The following SFXN4 variants were observed in gnomAD, a reference collection of about 807,000 sequenced individuals.
The protein encoded by SFXN4 is sideroflexin-4.
SFXN4 carries 48 observed loss-of-function variants against 54.6 expected under a neutral mutation model. The observed-to-expected ratio is 0.88, with a 90% confidence interval of 0.70 to 1.12. The LOEUF (loss-of-function observed/expected upper bound fraction) is 1.12, where lower values mean the gene tolerates loss of function less well. SFXN4 is among the 50% of genes most tolerant of loss of function. SFXN4 has a pLI of 0.00. For missense variants in SFXN4, 383 were observed against 409.2 expected (o/e 0.94, Z 0.55); for synonymous variants, 130 against 145.5 (o/e 0.89, Z 0.77).
chr10:119,165,445 G>A (rs1225616826), intron 1 of SFXN4, 92 bp downstream of exon 1: 4 of 1,375,732 alleles, frequency 2.9e-6, no homozygotes, highest in East Asian at 6.2e-5. Flanking sequence ...GGGCGCCCAC[G>A]TGGCCTGGCC....
At chr10:119,146,441 G>GTC in intron 12 of SFXN4, 88 bp from the exon 13 acceptor site, 1 of 569,806 alleles carries the variant, frequency 1.8e-6, no homozygotes, top group South Asian at 2.2e-5. Context: ...GTGTGTGTGT[G>GTC]TGTGTGTGTG....
intron 13 of SFXN4, among the ~76,000 whole-genome samples, chr10:119,144,995 T>A (rs1441653001): frequency 6.6e-6 from 1 of 152,176 alleles, no homozygotes; most frequent in Non-Finnish European, 1.5e-5. Flanking sequence ...TTAAAAGATT[T>A]CTTTTTATGC....
At chr10:119,154,924 A>C in intron 11 of SFXN4, 138 bp downstream of exon 11, 1 of 623,890 alleles carries the variant, frequency 1.6e-6, no homozygotes, top group African/African-American at 1.8e-5. Flanking sequence ...CAAAATGAGA[A>C]ATTTCTCTCT....
At position 119,145,668 on chromosome 10, in the gene SFXN4, A is replaced by G. The variant is rs79066583; in HGVS notation, c.936+568T>C. ...TAGGAATACAGTATACAACACATATAAAATATAAAATATGTGTTACTTGAC... is the reference window on the plus strand; with the variant it reads ...TAGGAATACAGTATACAACACATATGAAATATAAAATATGTGTTACTTGAC... On this transcript the variant is annotated intron_variant, in intron 13 of 13. Transcript: ENST00000355697. Among the ~76,000 whole-genome samples, 480 of 152,228 alleles carry G rather than the reference A, an allele frequency of 3.2e-3. 2 individuals carry two copies. Among genetic ancestry groups the G allele is most frequent in the Non-Finnish European group, 5.0e-3 (339 of 68,016 alleles).
intron 10 of SFXN4, among the ~76,000 whole-genome samples, chr10:119,155,853 A>G (rs1459614210): frequency 6.6e-6 from 1 of 151,998 alleles, no homozygotes; most frequent in Non-Finnish European, 1.5e-5. Context: ...CAGTCTGCCA[A>G]CTCTTCAAAC....
At chr10:119,159,808 G>A (rs368273136) in intron 5 of SFXN4, 55 bp from the exon 6 acceptor site, 2 of 1,590,546 alleles carry the variant, frequency 1.3e-6, no homozygotes, top group Non-Finnish European at 1.7e-6. Flanking sequence ...CAGGCAGAGG[G>A]GGCCAGAAGG....
chr10:119,151,687 G>T (rs7081689), intron 11 of SFXN4, among the ~76,000 whole-genome samples: 46,734 of 150,832 alleles, frequency 0.31, 7,805 homozygotes, highest in South Asian at 0.41. Flanking sequence ...GGCTAATTTT[G>T]GTATTTTTAG....
In SFXN4 at chr10:119,155,145, G is replaced by A. The variant is rs756173225; in HGVS notation, c.649C>T (p.Arg217Ter). ...ATCCCCTTAATGGATTCAAGACTTCGGGACATGTAGACATTCATTCCACTG... is the reference window on the plus strand; with the variant it reads ...ATCCCCTTAATGGATTCAAGACTTCAGGACATGTAGACATTCATTCCACTG... ...QASGMNVYMSRSLESIKGIAV... is the reference protein window; with the variant it reads ...QASGMNVYMS The change falls in exon 11 of 14, where the codon CGA becomes TGA. Residue 217 changes from arginine to a stop codon, truncating the protein, a stop_gained. Transcript: ENST00000355697. LOFTEE classifies it high-confidence loss of function. 2.2e-5 allele frequency: 36 copies of A among 1,613,908 alleles called. No individual in the cohort carries two copies. The highest frequency in any genetic ancestry group is 1.3e-4 in the South Asian group (12 of 91,084).
chr10:119,155,511 A>G (rs1847245762), intron 10 of SFXN4, among the ~76,000 whole-genome samples: 1 of 151,712 alleles, frequency 6.6e-6, no homozygotes, highest in Non-Finnish European at 1.5e-5. Context: ...TTTTTTTTTC[A>G]GACAGAGTTT....
chr10:119,158,077 G>A lies in SFXN4; in HGVS notation c.361-15C>T, dbSNP rs1227342023. ...GACAAAAATACCTTTTAAGAAGACA[G>A]TGGAACAGAGTTACAAGTGTTGCTG... On this transcript the variant is annotated splice_polypyrimidine_tract_variant and intron_variant, in intron 6 of 13. Coordinates refer to ENST00000355697, the MANE Select transcript of SFXN4 (RefSeq NM_213649.2). 3 of 1,612,160 alleles carry A rather than the reference G, an allele frequency of 1.9e-6. No individual in the cohort carries two copies. The highest frequency in any genetic ancestry group is 2.5e-6 in the Non-Finnish European group (3 of 1,178,254).
intron 2 of SFXN4, among the ~76,000 whole-genome samples, chr10:119,162,817 A>T (rs1432674597): frequency 6.6e-6 from 1 of 152,072 alleles, no homozygotes; most frequent in African/African-American, 2.4e-5. Context: ...TTTTTAAGAG[A>T]CAGGGTCTCA....
rs141886415 is a variant in SFXN4, at chr10:119,141,240, G to A, written c.*2C>T. 390 of 1,608,172 alleles carry A rather than the reference G, an allele frequency of 2.4e-4. 1 individual carries two copies. The highest frequency in any genetic ancestry group is 9.1e-4 in the East Asian group (41 of 44,836). On this transcript the variant is annotated 3_prime_UTR_variant, in exon 14 of 14. Coordinates refer to ENST00000355697, the MANE Select transcript of SFXN4 (RefSeq NM_213649.2). ...CCACATAAATTCACCTAAAACTCACGCCTACACCCCTCTGTGATAAAAGAT... is the reference window on the plus strand; with the variant it reads ...CCACATAAATTCACCTAAAACTCACACCTACACCCCTCTGTGATAAAAGAT...
chr10:119,165,256 G>C, intron 1 of SFXN4: 1 of 1,160,908 alleles, frequency 8.6e-7, no homozygotes, highest in Non-Finnish European at 1.1e-6. Flanking sequence ...AGCTCAGGCA[G>C]TAGGGAGCAG....
intron 6 of SFXN4, 80 bp downstream of exon 6, chr10:119,159,648 G>A (rs1313161214): frequency 3.4e-6 from 5 of 1,449,428 alleles, no homozygotes; most frequent in Non-Finnish European, 4.9e-6. Flanking sequence ...CGGAGCTGGA[G>A]GGACACAGCT....
At chr10:119,155,262 CT>C in intron 10 of SFXN4, 85 bp from the exon 11 acceptor site, 2 of 909,694 alleles carry the variant, frequency 2.2e-6, no homozygotes, top group Non-Finnish European at 3.6e-6. Flanking sequence ...TGTCTGCCCC[CT>C]GCAAGCCTCT....
chr10:119,141,463 T>A, intron 13 of SFXN4, 144 bp from the exon 14 acceptor site: 1 of 174,236 alleles, frequency 5.7e-6, no homozygotes, highest in Non-Finnish European at 1.0e-5. Flanking sequence ...AAATGTAACC[T>A]ATTTTTTTTT....
chr10:119,161,427 CA>C (rs1254206919), intron 3 of SFXN4, among the ~76,000 whole-genome samples: 230 of 116,588 alleles, frequency 2.0e-3, no homozygotes, highest in Middle Eastern at 4.4e-3. Context: ...ACAACAACAA[CA>C]AAAAAAAACA....
At chr10:119,158,949 C>T (rs1847395614) in intron 6 of SFXN4, among the ~76,000 whole-genome samples, 1 of 152,178 alleles carries the variant, frequency 6.6e-6, no homozygotes, top group South Asian at 2.1e-4. Context: ...TGCCACTGCA[C>T]TCCAGCCTGG....
chr10:119,163,559 A>T (rs1352619563), intron 2 of SFXN4, among the ~76,000 whole-genome samples: 1 of 151,612 alleles, frequency 6.6e-6, no homozygotes, highest in South Asian at 2.1e-4. Flanking sequence ...CTGCCACCAC[A>T]CCCAGCTAAT....
Sources: gnomAD v4.1 joint callset for allele counts (sites outside exome capture counted in the v4.1 genomes callset) on GRCh38, gnomAD v4.1.1 for gene constraint, MANE v1.5 for transcripts, NCBI Gene and HGNC (gene_info 2026-07-23, HGNC 2026-07-21) for gene names.